The following DLGAP2 variants were observed in gnomAD, a reference collection of about 807,000 sequenced individuals.
DLGAP2 encodes disks large-associated protein 2.
In DLGAP2, 26 loss-of-function variants were observed where a neutral mutation model predicts 100.3. That is an observed-to-expected ratio of 0.26 (90% confidence interval 0.19 to 0.36). The LOEUF (loss-of-function observed/expected upper bound fraction) is 0.36. DLGAP2 is among the 10% of genes least tolerant of loss of function. The pLI is 1.00. For missense variants in DLGAP2, 1,858 were observed against 1,453.2 expected (o/e 1.28, Z -4.53); for synonymous variants, 886 against 630.1 (o/e 1.41, Z -6.08).
At chr8:1,681,582 C>G (rs1798947260) in intron 12 of DLGAP2, among the ~76,000 whole-genome samples, 1 of 150,354 alleles carries the variant, frequency 6.7e-6, no homozygotes, top group Non-Finnish European at 1.5e-5. Flanking sequence ...TGCCTGAGCC[C>G]CAGAGGTGGA....
At chr8:987,915 CAGCA>C (rs1800534147) in intron 2 of DLGAP2, among the ~76,000 whole-genome samples, 1 of 152,178 alleles carries the variant, frequency 6.6e-6, no homozygotes, top group East Asian at 1.9e-4. Flanking sequence ...CATATGTGGT[CAGCA>C]ATATTCTCCG....
At chr8:1,252,128 C>T (rs111731504) in intron 2 of DLGAP2, among the ~76,000 whole-genome samples, 2 of 149,970 alleles carry the variant, frequency 1.3e-5, no homozygotes, top group Non-Finnish European at 2.9e-5. Flanking sequence ...TCATGTCACA[C>T]TTGCCACACT....
intron 1 of DLGAP2, among the ~76,000 whole-genome samples, chr8:799,345 G>C (rs1347384939): frequency 6.6e-6 from 1 of 152,098 alleles, no homozygotes; most frequent in Non-Finnish European, 1.5e-5. Context: ...AGGAGGGAGT[G>C]TGGCGGGAGG....
chr8:1,060,496 C>G (rs968620785), intron 2 of DLGAP2, among the ~76,000 whole-genome samples: 1 of 151,678 alleles, frequency 6.6e-6, no homozygotes, highest in Non-Finnish European at 1.5e-5. Context: ...ACGGCCCCCT[C>G]TCTCTGTGGG....
At chr8:739,357 C>G (rs1438091822) in intron 1 of DLGAP2, 3 of 152,224 alleles carry the variant, frequency 2.0e-5, no homozygotes, top group African/African-American at 4.8e-5. Context: ...ATCAACAGCC[C>G]GTGAATTAAT....
At chr8:783,537 G>A (rs1169757648) in intron 1 of DLGAP2, among the ~76,000 whole-genome samples, 3 of 152,192 alleles carry the variant, frequency 2.0e-5, no homozygotes, top group African/African-American at 7.2e-5. Context: ...ACAATATGGT[G>A]CTCACCGTTC....
At chr8:1,691,366 G>C (rs1023922330) in intron 12 of DLGAP2, among the ~76,000 whole-genome samples, 169 bp from the exon 13 acceptor site, 1 of 152,160 alleles carries the variant, frequency 6.6e-6, no homozygotes, top group African/African-American at 2.4e-5. Flanking sequence ...TCATGAGTTG[G>C]GGACGAGCAC....
At chr8:1,136,614 G>A (rs1365339200) in intron 2 of DLGAP2, among the ~76,000 whole-genome samples, 1 of 152,208 alleles carries the variant, frequency 6.6e-6, no homozygotes, top group African/African-American at 2.4e-5. Flanking sequence ...GCAGACCCAT[G>A]ACTCTGAACA....
At chr8:801,778 C>G (rs916306783) in intron 1 of DLGAP2, among the ~76,000 whole-genome samples, 21 of 152,176 alleles carry the variant, frequency 1.4e-4, no homozygotes, top group Admixed American at 1.3e-4. Flanking sequence ...GGCTGTTTCT[C>G]TCCTGGGGGT....
intron 1 of DLGAP2, among the ~76,000 whole-genome samples, chr8:824,375 G>C (rs12544999): frequency 0.13 from 19,315 of 152,112 alleles, 1,421 homozygotes; most frequent in East Asian, 0.24. Context: ...CCATGCCCGG[G>C]CACATTCCTT....
intron 2 of DLGAP2, among the ~76,000 whole-genome samples, chr8:1,069,293 C>T (rs1803355388): frequency 6.6e-6 from 1 of 152,086 alleles, no homozygotes; most frequent in Non-Finnish European, 1.5e-5. Flanking sequence ...AGAGCTGGGG[C>T]CCCTGGACAG....
At chr8:893,565 C>T (rs888006270) in intron 1 of DLGAP2, among the ~76,000 whole-genome samples, 8 of 152,226 alleles carry the variant, frequency 5.3e-5, no homozygotes, top group Admixed American at 2.0e-4. Flanking sequence ...GATGAAGCTG[C>T]CCTTCCATCC....
intron 3 of DLGAP2, among the ~76,000 whole-genome samples, chr8:1,359,346 G>A (rs921894154): frequency 3.3e-5 from 5 of 152,346 alleles, no homozygotes; most frequent in Middle Eastern, 3.4e-3. Context: ...CAGGCACTCC[G>A]GCGCAGTTTA....
chr8:1,212,287 T>C (rs760694748), intron 2 of DLGAP2, among the ~76,000 whole-genome samples: 28 of 152,198 alleles, frequency 1.8e-4, no homozygotes, highest in Non-Finnish European at 8.8e-5. Flanking sequence ...TTGGAGCTGC[T>C]TTCAGTTCTA....
At chr8:885,646 C>A (rs940890147) in intron 1 of DLGAP2, among the ~76,000 whole-genome samples, 31 of 152,216 alleles carry the variant, frequency 2.0e-4, no homozygotes, top group Admixed American at 2.0e-3. Context: ...CTGGACAGAA[C>A]TTCTAATACT....
chr8:788,295 G>C (rs372090842), intron 1 of DLGAP2, among the ~76,000 whole-genome samples: 16 of 152,318 alleles, frequency 1.1e-4, no homozygotes, highest in South Asian at 6.2e-4. Flanking sequence ...ATGTGGTCTG[G>C]TCGAGATAGC....
In DLGAP2 at chr8:1,049,960, TCA is replaced by T. The variant is rs556253006; in HGVS notation, c.73+142001_73+142002del. ...CGTGGATATATGCACACACATGCTG[TCA>T]CACACATGTGCCTACGTGTATGCAC... On this transcript the variant is annotated intron_variant, in intron 2 of 14. Transcript: ENST00000637795. Among the ~76,000 whole-genome samples the T allele has an allele frequency of 1.7e-4, 26 of 152,224 alleles. No individual in the cohort carries two copies. The South Asian group carries it at 3.7e-3, about 22-fold the overall frequency.
chr8:1,631,865 A>G (rs1340131378), intron 7 of DLGAP2, among the ~76,000 whole-genome samples: 2 of 152,258 alleles, frequency 1.3e-5, no homozygotes, highest in Non-Finnish European at 2.9e-5. Flanking sequence ...CAACAACACA[A>G]CTGCTAGAGG....
intron 1 of DLGAP2, among the ~76,000 whole-genome samples, chr8:827,415 G>A (rs1001736013): frequency 2.0e-5 from 3 of 152,114 alleles, no homozygotes; most frequent in African/African-American, 7.2e-5. Flanking sequence ...GGACTTTCAG[G>A]AATAACAATC....
Sources: allele counts gnomAD v4.1 joint callset (sites outside exome capture counted in the v4.1 genomes callset), GRCh38; gene constraint gnomAD v4.1.1; transcripts MANE v1.5; gene names NCBI Gene and HGNC (gene_info 2026-07-23, HGNC 2026-07-21).